The following PRSS23 variants were observed in gnomAD, a reference collection of about 807,000 sequenced individuals.
PRSS23 encodes the protein protease, serine 23.
In PRSS23, 25 loss-of-function variants were observed where a neutral mutation model predicts 34.7. The observed-to-expected ratio is 0.72, with a 90% confidence interval of 0.53 to 1.01. PRSS23 has a LOEUF of 1.01. Among genes scored for constraint, PRSS23 ranks in the 50% least tolerant of loss-of-function variants. The probability of loss-of-function intolerance (pLI) is 0.00; values close to 1 mark genes in which losing one functional copy is unlikely to be tolerated. For missense variants in PRSS23, 445 were observed against 475.6 expected (o/e 0.94, Z 0.60); for synonymous variants, 176 against 186.6 (o/e 0.94, Z 0.46).
At chr11:86,907,076 G>A (rs945960082) in intron 2 of PRSS23, among the ~76,000 whole-genome samples, 1 of 152,222 alleles carries the variant, frequency 6.6e-6, no homozygotes, top group African/African-American at 2.4e-5. Flanking sequence ...CCAGGGGACA[G>A]AATACCATTG....
downstream of PRSS23, among the ~76,000 whole-genome samples, chr11:86,815,712 C>T (rs1434979814): frequency 1.3e-5 from 2 of 152,176 alleles, no homozygotes; most frequent in African/African-American, 2.4e-5. Context: ...TGGTCTAGCA[C>T]AGGAAATATT....
intron 1 of PRSS23, among the ~76,000 whole-genome samples, chr11:86,801,543 C>A (rs901428439): frequency 8.5e-5 from 13 of 152,190 alleles, no homozygotes; most frequent in Non-Finnish European, 1.8e-4. Flanking sequence ...TTTGAGGGCT[C>A]CCTGTGCACT....
At chr11:86,937,626 T>G (rs1949173387) in intron 2 of PRSS23, 1 of 152,184 alleles carries the variant, frequency 6.6e-6, no homozygotes, top group Non-Finnish European at 1.5e-5. Flanking sequence ...ACCAGCACCA[T>G]GACAGTTTAC....
chr11:86,800,860 C>T (rs1326622368), intron 1 of PRSS23, among the ~76,000 whole-genome samples: 2 of 152,044 alleles, frequency 1.3e-5, no homozygotes, highest in African/African-American at 4.8e-5. Context: ...GGCTGCAGGT[C>T]ATTTGGATTC....
chr11:86,873,464 G>A lies in PRSS23; in HGVS notation c.206+49871G>A, dbSNP rs946729724. On this transcript the variant is annotated intron_variant, in intron 2 of 2. Coordinates refer to the PRSS23 transcript ENST00000533902. ...CAGCTCATTTGTGTGTGTGTTTTTA[G>A]TAGAGTCGGGGTTTTCCTATGTTGG... Among the ~76,000 whole-genome samples the A allele has an allele frequency of 7.9e-5, 12 of 151,744 alleles. No individual in the cohort carries two copies. In the East Asian group the frequency reaches 2.1e-3, roughly 27 times the overall value.
At chr11:86,869,851 A>G (rs771972429) in intron 2 of PRSS23, among the ~76,000 whole-genome samples, 1 of 152,328 alleles carries the variant, frequency 6.6e-6, no homozygotes, top group East Asian at 1.9e-4. Flanking sequence ...GGCAAGAGCT[A>G]CATATCTTTC....
At chr11:86,909,966 TC>T (rs2134992420) in intron 2 of PRSS23, 1 of 152,332 alleles carries the variant, frequency 6.6e-6, no homozygotes, top group Non-Finnish European at 1.5e-5. Flanking sequence ...GTGCTACTCA[TC>T]AACACTCTTT....
upstream of PRSS23, among the ~76,000 whole-genome samples, chr11:86,799,043 T>G (rs1948001142): frequency 6.6e-6 from 1 of 152,160 alleles, no homozygotes; most frequent in Non-Finnish European, 1.5e-5. Context: ...CAATTGAAGC[T>G]AAGCTAAGAA....
At chr11:86,933,571 G>C (rs1336869627) in intron 2 of PRSS23, 1 of 152,236 alleles carries the variant, frequency 6.6e-6, no homozygotes, top group Non-Finnish European at 1.5e-5. Flanking sequence ...GATCAACATA[G>C]GCAGAGGCTC....
chr11:86,912,449 C>T (rs1044119074), intron 2 of PRSS23, among the ~76,000 whole-genome samples: 1 of 152,142 alleles, frequency 6.6e-6, no homozygotes, highest in African/African-American at 2.4e-5. Flanking sequence ...TTCCCTGAGG[C>T]TCTGTTCATT....
intron 2 of PRSS23, among the ~76,000 whole-genome samples, chr11:86,834,586 T>TGA (rs1948390005): frequency 6.8e-6 from 1 of 147,068 alleles, no homozygotes; most frequent in African/African-American, 2.5e-5. Context: ...TCCTTTCCTT[T>TGA]CCTTTCCTTT....
rs113888066 is a variant in PRSS23 at position 86,822,620 on chromosome 11, TA to T, written c.-11-737del. Among the ~76,000 whole-genome samples, 511 of 102,052 alleles carry T rather than the reference TA, an allele frequency of 5.0e-3. 3 individuals carry two copies. Among genetic ancestry groups the T allele is most frequent in the South Asian group, 9.8e-3 (31 of 3,156 alleles). The allele number at this position is 102,052 out of a possible 152,430, so 67.0% of individuals were successfully genotyped here. A position where few individuals can be genotyped will look rare whatever the true frequency, so the allele number is the denominator to read the frequency against. On this transcript the variant is annotated intron_variant, in intron 1 of 2. Coordinates refer to the PRSS23 transcript ENST00000533902. ...TGGGCGACAAGAGTGTGAACCTGAC[TA>T]AAAAAAAAAAAAAAAAAAATGCAGA...
intron 1 of PRSS23, among the ~76,000 whole-genome samples, chr11:86,816,590 G>A (rs1370251242): frequency 6.6e-6 from 1 of 152,172 alleles, no homozygotes; most frequent in African/African-American, 2.4e-5. Flanking sequence ...AAAATGCCAT[G>A]TTTGGTAAAC....
chr11:86,862,229 C>T (rs1436719628), intron 2 of PRSS23, among the ~76,000 whole-genome samples: 1 of 151,976 alleles, frequency 6.6e-6, no homozygotes, highest in Admixed American at 6.5e-5. Context: ...CCTAATTTCA[C>T]AGTGGGTGTA....
At chr11:86,885,186 C>A (rs1330607436) in intron 2 of PRSS23, among the ~76,000 whole-genome samples, 1 of 152,176 alleles carries the variant, frequency 6.6e-6, no homozygotes, top group Non-Finnish European at 1.5e-5. Flanking sequence ...CATTAAATTT[C>A]TATCACCATC....
intron 1 of PRSS23, chr11:86,821,430 C>T (rs1948250842): frequency 6.5e-7 from 1 of 1,540,350 alleles, no homozygotes; most frequent in Admixed American, 1.7e-5. Context: ...AGAAGACATG[C>T]AGCACCATCA....
chr11:86,825,756 G>C (rs1948295125), intron 2 of PRSS23, among the ~76,000 whole-genome samples: 1 of 151,622 alleles, frequency 6.6e-6, no homozygotes, highest in South Asian at 2.1e-4. Flanking sequence ...CCCATTGCTT[G>C]TTTTTGTCAG....
At chr11:86,902,194 T>A (rs1948915869) in intron 2 of PRSS23, among the ~76,000 whole-genome samples, 1 of 152,200 alleles carries the variant, frequency 6.6e-6, no homozygotes, top group Non-Finnish European at 1.5e-5. Context: ...TATGTACTTA[T>A]AAACTGAGCC....
At chr11:86,906,934 T>C (rs554324326) in intron 2 of PRSS23, among the ~76,000 whole-genome samples, 1 of 152,276 alleles carries the variant, frequency 6.6e-6, no homozygotes, top group Non-Finnish European at 1.5e-5. Context: ...CCATCCATTT[T>C]ACCCGGTGAT....
Sources: gnomAD v4.1 joint callset for allele counts (sites outside exome capture counted in the v4.1 genomes callset) on GRCh38, gnomAD v4.1.1 for gene constraint, MANE v1.5 for transcripts, NCBI Gene and HGNC (gene_info 2026-07-23, HGNC 2026-07-21) for gene names.